Variants in PRORP observed in about 807,000 individuals in gnomAD.
PRORP encodes the protein protein only RNase P catalytic subunit.
In PRORP, 51 loss-of-function variants were observed where a neutral mutation model predicts 59.4. The observed-to-expected ratio is 0.86, with a 90% CI of 0.69 to 1.08. PRORP has a LOEUF of 1.08. PRORP is among the 50% of genes least tolerant of loss of function. The pLI is 0.00. For synonymous variants in PRORP, 231 were observed against 245.6 expected (o/e 0.94, Z 0.55); for missense variants, 646 against 690.3 (o/e 0.94, Z 0.72).
chr14:35,152,719 C>G (rs529504242), intron 4 of PRORP, among the ~76,000 whole-genome samples: 5 of 144,462 alleles, frequency 3.5e-5, no homozygotes, highest in Non-Finnish European at 6.0e-5. Context: ...TCAGACGGGT[C>G]GGCCGGGCAG....
In PRORP at chr14:35,127,373, CTTT is replaced by C. The variant is rs947329382; in HGVS notation, c.1035-102_1035-100del. The C allele has an allele frequency of 5.3e-5, 42 of 795,210 alleles. No homozygotes were observed. In the African/African-American group the frequency reaches 6.9e-4, roughly 13 times the overall value. The allele number at this position is 795,210 out of a possible 1,614,324, so 49.3% of individuals were successfully genotyped here. On this transcript the variant is annotated intron_variant, in intron 3 of 7. Coordinates refer to ENST00000534898, the MANE Select transcript of PRORP (RefSeq NM_014672.4). ...TGATTATCACAAAGGTTTTAATGTTCTTTTTTATTACCTTTTAATTTCCTCATT... is the reference window on the plus strand; with the variant it reads ...TGATTATCACAAAGGTTTTAATGTTCTTTATTACCTTTTAATTTCCTCATT...
intron 4 of PRORP, among the ~76,000 whole-genome samples, chr14:35,144,987 GTTTGT>G (rs1467715324): frequency 1.4e-5 from 2 of 145,160 alleles, no homozygotes; most frequent in South Asian, 2.3e-4. Context: ...TAGTTCTTTT[GTTTGT>G]TTTAAGAGAC....
intron 7 of PRORP, among the ~76,000 whole-genome samples, chr14:35,271,139 G>A (rs1458906394): frequency 2.0e-5 from 3 of 146,978 alleles, no homozygotes; most frequent in African/African-American, 5.0e-5. Context: ...AATTAATTAT[G>A]TCACAAATTA....
chr14:35,126,554 A>G (rs2047102855), intron 2 of PRORP, among the ~76,000 whole-genome samples, 181 bp from the exon 3 acceptor site: 2 of 152,232 alleles, frequency 1.3e-5, no homozygotes. Flanking sequence ...TCCAGAGCAG[A>G]GTACCAGCAG....
chr14:35,240,758 G>A (rs1415382163), intron 5 of PRORP, among the ~76,000 whole-genome samples: 2 of 152,086 alleles, frequency 1.3e-5, no homozygotes, highest in Non-Finnish European at 2.9e-5. Flanking sequence ...AACAAATTCT[G>A]CTGAAATTGC....
In PRORP at chr14:35,152,139, C is replaced by G. The variant is rs573064201; in HGVS notation, c.1167+24528C>G. ...ATTAGGGAGTGGTGATGACTCTCAA[C>G]GAGCATGCTGCCTTCAAGCATCTGT... On this transcript the variant is annotated intron_variant, in intron 4 of 7. Coordinates refer to ENST00000534898, the MANE Select transcript of PRORP (RefSeq NM_014672.4). 7.2e-5 allele frequency among the ~76,000 whole-genome samples: 11 copies of G among 152,162 alleles called. 1 individual carries two copies. In the South Asian group the frequency reaches 1.5e-3, roughly 20 times the overall value.
At chr14:35,249,205 A>G (rs1256173547) in intron 5 of PRORP, among the ~76,000 whole-genome samples, 1 of 152,304 alleles carries the variant, frequency 6.6e-6, no homozygotes, top group East Asian at 1.9e-4. Context: ...AGACTCAAAT[A>G]GGAAAATTCC....
rs2046994493 is a variant in PRORP at position 35,123,424 on chromosome 14, A to AT, written c.180dup (p.Leu61SerfsTer12). 1 of 1,614,096 alleles carries AT rather than the reference A, an allele frequency of 6.2e-7. No homozygotes were observed. Among genetic ancestry groups the AT allele is most frequent in the Non-Finnish European group, 8.5e-7 (1 of 1,180,042 alleles). ...TCTCCACAGAATACCAAAGCAACGA[A>AT]TCTGATTGCCAAGGCCAGATATCTC... On this transcript the variant is annotated frameshift_variant, in exon 2 of 8. Coordinates refer to ENST00000534898, the MANE Select transcript of PRORP (RefSeq NM_014672.4). LOFTEE classifies it high-confidence loss of function.
intron 4 of PRORP, among the ~76,000 whole-genome samples, chr14:35,133,934 C>T (rs1168405775): frequency 6.6e-6 from 1 of 152,340 alleles, no homozygotes; most frequent in East Asian, 1.9e-4. Flanking sequence ...AGACCTGAAG[C>T]CAGCAGAGCA....
intron 5 of PRORP, among the ~76,000 whole-genome samples, chr14:35,229,738 G>A (rs1381145693): frequency 6.6e-6 from 1 of 151,912 alleles, no homozygotes; most frequent in East Asian, 1.9e-4. Flanking sequence ...TAGCAGGTGG[G>A]GTCTTTAATG....
chr14:35,218,485 A>AAAAC (rs1348565728), intron 5 of PRORP, among the ~76,000 whole-genome samples: 2 of 133,046 alleles, frequency 1.5e-5, no homozygotes, highest in South Asian at 2.5e-4. Context: ...AAAAAAAAAA[A>AAAAC]CCAACAACAA....
At chr14:35,128,844 CTTTATTA>C (rs2047161606) in intron 4 of PRORP, among the ~76,000 whole-genome samples, 1 of 151,970 alleles carries the variant, frequency 6.6e-6, no homozygotes. Flanking sequence ...CTACTCTGAT[CTTTATTA>C]TTTAGTCTCT....
intron 4 of PRORP, among the ~76,000 whole-genome samples, chr14:35,154,755 A>G (rs1344030476): frequency 6.6e-6 from 1 of 152,196 alleles, no homozygotes; most frequent in Non-Finnish European, 1.5e-5. Flanking sequence ...AATTTGAGAT[A>G]AAGCAACCAT....
intron 5 of PRORP, among the ~76,000 whole-genome samples, chr14:35,212,612 G>A (rs1485605998): frequency 2.6e-5 from 4 of 152,066 alleles, no homozygotes; most frequent in Admixed American, 2.6e-4. Flanking sequence ...CATTTTCTGG[G>A]CTTAAAATAC....
intron 5 of PRORP, among the ~76,000 whole-genome samples, chr14:35,262,204 G>A (rs1362898412): frequency 6.6e-6 from 1 of 151,674 alleles, no homozygotes; most frequent in African/African-American, 2.4e-5. Flanking sequence ...TAGAGATGGG[G>A]TCTTGCTGTG....
intron 4 of PRORP, among the ~76,000 whole-genome samples, chr14:35,152,502 G>A (rs2047786316): frequency 6.6e-6 from 1 of 152,002 alleles, no homozygotes; most frequent in South Asian, 2.1e-4. Context: ...TCCCAGAAGG[G>A]GCGGCCAGGC....
chr14:35,136,987 C>T (rs1018183275), intron 4 of PRORP, among the ~76,000 whole-genome samples: 1 of 145,580 alleles, frequency 6.9e-6, no homozygotes, highest in Non-Finnish European at 1.5e-5. Context: ...GTGCAATACA[C>T]TAGAGATTTG....
chr14:35,235,350 A>G (rs575488002), intron 5 of PRORP: 36 of 702,456 alleles, frequency 5.1e-5, no homozygotes, highest in South Asian at 4.8e-4. Context: ...TTGTCTTCCG[A>G]GTTAACCTGT....
chr14:35,126,721 C>A lies in PRORP; in HGVS notation c.987-14C>A. The A allele has an allele frequency of 6.2e-7, 1 of 1,600,348 alleles. No homozygotes were observed. The highest frequency in any genetic ancestry group is 2.2e-5 in the East Asian group (1 of 44,588). On this transcript the variant is annotated splice_polypyrimidine_tract_variant and intron_variant, in intron 2 of 7. Transcript: ENST00000534898. Reference sequence around the variant, plus strand: ...CTAACCTTCTCATGATTTGGTTTTGCAATCTTTTCATAGTGTTCCTGGAAA... The same window carrying A: ...CTAACCTTCTCATGATTTGGTTTTGAAATCTTTTCATAGTGTTCCTGGAAA...
Sources: allele counts gnomAD v4.1 joint callset (sites outside exome capture counted in the v4.1 genomes callset), GRCh38; gene constraint gnomAD v4.1.1; transcripts MANE v1.5; gene names NCBI Gene and HGNC (gene_info 2026-07-23, HGNC 2026-07-21).